DCT: variants seen among roughly 807,000 people sequenced by gnomAD.
DCT encodes L-dopachrome tautomerase.
DCT carries 47 observed loss-of-function variants against 53.0 expected under a neutral mutation model. That is an observed-to-expected ratio of 0.89 (90% CI 0.70 to 1.13). The LOEUF (loss-of-function observed/expected upper bound fraction) is 1.13, where lower values mean the gene tolerates loss of function less well. Among genes scored for constraint, DCT ranks in the 50% most tolerant of loss-of-function variants. The pLI is 0.00. For synonymous variants in DCT, 244 were observed against 237.0 expected (o/e 1.03, Z -0.27); for missense variants, 669 against 637.4 (o/e 1.05, Z -0.53).
At chr13:94,473,744 C>G (rs1165564107) in intron 1 of DCT, among the ~76,000 whole-genome samples, 1 of 152,262 alleles carries the variant, frequency 6.6e-6, no homozygotes, top group South Asian at 2.1e-4. Flanking sequence ...AATAAGAAAG[C>G]TTTCAACATC....
At chr13:94,440,415 C>T (rs1882207463) in intron 7 of DCT, among the ~76,000 whole-genome samples, 1 of 152,082 alleles carries the variant, frequency 6.6e-6, no homozygotes, top group Admixed American at 6.6e-5. Flanking sequence ...GCTAAAATGG[C>T]ATCTGGGGAG....
the DCT span, among the ~76,000 whole-genome samples, chr13:94,519,559 T>C: frequency 6.6e-6 from 1 of 152,222 alleles, no homozygotes; most frequent in Non-Finnish European, 1.5e-5. Flanking sequence ...TATTTCAGCA[T>C]GGCCACTGTA....
Position 94,468,750 on chromosome 13 carries a change from T to C in DCT, c.591A>G (p.Leu197=), listed in dbSNP as rs745537606. Reference sequence around the variant, plus strand: ...TCAGCCAAGGAAAAAACCCACCTAATAATGTATCTCTAACAGAATAATAAT... The same window carrying C: ...TCAGCCAAGGAAAAAACCCACCTAACAATGTATCTCTAACAGAATAATAAT... ...WLHYYSVRDT[L]LGPGRPYRAI... is the part of the protein sequence containing the mutation. Residue 197 remains leucine, a synonymous_variant, in exon 2 of 8, where the codon TTA becomes TTG. Coordinates refer to ENST00000377028, the MANE Select transcript of DCT (RefSeq NM_001922.5). 10 of 1,612,300 alleles carry C rather than the reference T, an allele frequency of 6.2e-6. No individual in the cohort carries two copies. The highest frequency in any genetic ancestry group is 8.5e-6 in the Non-Finnish European group (10 of 1,178,900).
the DCT span, among the ~76,000 whole-genome samples, chr13:94,520,138 G>A: frequency 1.3e-5 from 2 of 152,090 alleles, no homozygotes; most frequent in Admixed American, 1.3e-4. Context: ...AATACAATGA[G>A]TACTCAGTAT....
At chr13:94,466,018 ATATATAC>A in intron 3 of DCT, among the ~76,000 whole-genome samples, 1 of 80,446 alleles carries the variant, frequency 1.2e-5, no homozygotes, top group East Asian at 4.0e-4. Flanking sequence ...ATATATATAT[ATATATAC>A]TGTGTACAAT....
At chr13:94,475,992 A>G (rs1295562080) in intron 1 of DCT, among the ~76,000 whole-genome samples, 1 of 152,198 alleles carries the variant, frequency 6.6e-6, no homozygotes, top group African/African-American at 2.4e-5. Context: ...GAGGTGAGCC[A>G]CAGCCTGGAG....
the DCT span, among the ~76,000 whole-genome samples, chr13:94,511,829 T>C: frequency 2.5e-5 from 1 of 39,384 alleles, no homozygotes; most frequent in Non-Finnish European, 3.9e-5. Context: ...ATTGTCAGTG[T>C]GTGTGTGTGT....
the DCT span, among the ~76,000 whole-genome samples, chr13:94,542,443 G>A: frequency 0.022 from 3,355 of 152,144 alleles, 50 homozygotes; most frequent in South Asian, 0.09. Flanking sequence ...CGCCCGCCTC[G>A]GCCTCCCAAA....
chr13:94,533,448 T>C, the DCT span, among the ~76,000 whole-genome samples: 4 of 152,054 alleles, frequency 2.6e-5, no homozygotes, highest in East Asian at 3.9e-4. Context: ...TGGAGAAAAA[T>C]GGCAATTACT....
chr13:94,511,825 AGTGT>A, the DCT span, among the ~76,000 whole-genome samples: 2,236 of 143,754 alleles, frequency 0.016, 13 homozygotes, highest in South Asian at 0.029. Context: ...CAGCATTGTC[AGTGT>A]GTGTGTGTGT....
At chr13:94,540,488 T>C in the DCT span, among the ~76,000 whole-genome samples, 1 of 152,164 alleles carries the variant, frequency 6.6e-6, no homozygotes, top group Non-Finnish European at 1.5e-5. Flanking sequence ...GATTTTAAAA[T>C]GGGCAAAAGA....
chr13:94,472,548 ATATATATATATATATATATATTTTTTTT>A (rs1884766646), intron 1 of DCT, among the ~76,000 whole-genome samples: 3 of 25,476 alleles, frequency 1.2e-4, no homozygotes, highest in Admixed American at 1.1e-3. Context: ...ATATATATAT[ATATATATATATATATATATATTTTTTTT>A]TTTTTTTTTT....
chr13:94,504,989 T>C, the DCT span, among the ~76,000 whole-genome samples: 4,851 of 152,084 alleles, frequency 0.032, 262 homozygotes, highest in African/African-American at 0.11. Flanking sequence ...AGACGGCACT[T>C]CATTTGTCTT....
the DCT span, among the ~76,000 whole-genome samples, chr13:94,507,700 A>G: frequency 6.6e-6 from 1 of 151,762 alleles, no homozygotes; most frequent in Non-Finnish European, 1.5e-5. Flanking sequence ...TGGGATTTCA[A>G]CGTGTTAGCC....
intron 6 of DCT, among the ~76,000 whole-genome samples, chr13:94,450,097 G>C (rs1882980252): frequency 6.6e-6 from 1 of 152,142 alleles, no homozygotes; most frequent in Admixed American, 6.5e-5. Flanking sequence ...TTACCAAAGA[G>C]ACCCAGAGAG....
Position 94,461,997 on chromosome 13 carries a change from T to C in DCT, c.1043+13A>G, listed in dbSNP as rs767286434. On this transcript the variant is annotated intron_variant, in intron 5 of 7. Coordinates refer to ENST00000377028, the MANE Select transcript of DCT (RefSeq NM_001922.5). ...ACTGTACAGGCAGGTCCAGCAGAGCTCAGAGCACCCACCTGAAACTGAAGG... is the reference window on the plus strand; with the variant it reads ...ACTGTACAGGCAGGTCCAGCAGAGCCCAGAGCACCCACCTGAAACTGAAGG... 9.9e-6 allele frequency: 16 copies of C among 1,611,144 alleles called. No individual in the cohort carries two copies. The Admixed American group carries it at 2.5e-4, about 25-fold the overall frequency.
intron 6 of DCT, among the ~76,000 whole-genome samples, chr13:94,450,842 C>T (rs1205202558): frequency 1.3e-5 from 2 of 152,308 alleles, no homozygotes; most frequent in Non-Finnish European, 2.9e-5. Flanking sequence ...ATCATGAAAA[C>T]TCTAGGAGAG....
At chr13:94,541,638 C>G in the DCT span, among the ~76,000 whole-genome samples, 1 of 152,174 alleles carries the variant, frequency 6.6e-6, no homozygotes, top group Non-Finnish European at 1.5e-5. Flanking sequence ...ATTACTTCTG[C>G]ACCCACCTAA....
the DCT span, among the ~76,000 whole-genome samples, chr13:94,544,974 T>G: frequency 6.6e-6 from 1 of 152,124 alleles, no homozygotes; most frequent in African/African-American, 2.4e-5. Flanking sequence ...TTAATGATGA[T>G]GGTGTTCTTT....
Sources: gnomAD v4.1 joint callset for allele counts (sites outside exome capture counted in the v4.1 genomes callset) on GRCh38, gnomAD v4.1.1 for gene constraint, MANE v1.5 for transcripts, NCBI Gene and HGNC (gene_info 2026-07-23, HGNC 2026-07-21) for gene names.